Variants in LNX1 observed in about 807,000 individuals in gnomAD.
The protein encoded by LNX1 is E3 ubiquitin-protein ligase LNX.
LNX1 carries 54 observed loss-of-function variants against 68.4 expected under a neutral mutation model. The observed-to-expected ratio is 0.79, with a 90% CI of 0.63 to 0.99. LNX1 has a LOEUF of 0.99. LNX1 is among the 50% of genes least tolerant of loss of function. The pLI, the probability that LNX1 is intolerant of heterozygous loss-of-function variation, is 0.00. For missense variants in LNX1, 906 were observed against 926.4 expected (o/e 0.98, Z 0.29); for synonymous variants, 336 against 350.0 (o/e 0.96, Z 0.45).
intron 6 of LNX1, among the ~76,000 whole-genome samples, chr4:53,487,035 G>C (rs2109437197): frequency 6.6e-6 from 1 of 152,328 alleles, no homozygotes; most frequent in Middle Eastern, 3.4e-3. Flanking sequence ...CTTCCTTTGT[G>C]TTCAGCCTGC....
chr4:53,479,073 A>C (rs1248947228), intron 7 of LNX1, among the ~76,000 whole-genome samples: 1 of 152,224 alleles, frequency 6.6e-6, no homozygotes, highest in Non-Finnish European at 1.5e-5. Context: ...TATTTCTAAA[A>C]TATTTTCATA....
chr4:53,601,135 A>G (rs1732997445), intron 2 of LNX1, among the ~76,000 whole-genome samples: 1 of 151,630 alleles, frequency 6.6e-6, no homozygotes, highest in South Asian at 2.1e-4. Context: ...ATCTGAGAAG[A>G]GGCTTGCATT....
At chr4:53,509,319 T>A (rs6824775) in intron 2 of LNX1, among the ~76,000 whole-genome samples, 1 of 152,276 alleles carries the variant, frequency 6.6e-6, no homozygotes, top group South Asian at 2.1e-4. Flanking sequence ...AAACCCTATA[T>A]GATTGAGCTA....
At chr4:53,539,686 C>T (rs1424971481) in intron 2 of LNX1, among the ~76,000 whole-genome samples, 2 of 152,194 alleles carry the variant, frequency 1.3e-5, no homozygotes, top group African/African-American at 4.8e-5. Flanking sequence ...TGTTTAATGC[C>T]TGCTCTGATC....
chr4:53,570,227 C>T (rs528804621), intron 2 of LNX1, among the ~76,000 whole-genome samples: 7 of 145,726 alleles, frequency 4.8e-5, no homozygotes, highest in East Asian at 2.0e-4. Flanking sequence ...ATGTTTATTG[C>T]GGCATTATTC....
At chr4:53,507,219 G>T in intron 4 of LNX1, 98 bp downstream of exon 4, 1 of 1,268,450 alleles carries the variant, frequency 7.9e-7, no homozygotes, top group Non-Finnish European at 1.1e-6. Context: ...GGGAAGAGAG[G>T]GGTCACAGAA....
chr4:53,469,433 A>G (rs1265703580), intron 9 of LNX1, among the ~76,000 whole-genome samples: 1 of 152,234 alleles, frequency 6.6e-6, no homozygotes, highest in Non-Finnish European at 1.5e-5. Context: ...TAAAAGAACT[A>G]GAGAAGCAAG....
At chr4:53,556,479 C>T (rs1477804777) in intron 2 of LNX1, among the ~76,000 whole-genome samples, 1 of 152,114 alleles carries the variant, frequency 6.6e-6, no homozygotes, top group Non-Finnish European at 1.5e-5. Flanking sequence ...AAGGATAGCG[C>T]ATGGGAATGG....
intron 1 of LNX1, chr4:53,575,863 T>C: frequency 6.3e-7 from 1 of 1,589,216 alleles, no homozygotes; most frequent in Non-Finnish European, 8.6e-7. Context: ...GTTTAGAAAG[T>C]TGCTGAAGTT....
intron 2 of LNX1, among the ~76,000 whole-genome samples, chr4:53,599,722 G>A (rs1431227521): frequency 2.0e-5 from 3 of 152,136 alleles, no homozygotes; most frequent in African/African-American, 7.2e-5. Context: ...TATCCATGAA[G>A]GGCCAGGCAG....
chr4:53,638,115 C>A (rs1224173747), intron 1 of LNX1, among the ~76,000 whole-genome samples: 4 of 152,152 alleles, frequency 2.6e-5, no homozygotes, highest in African/African-American at 9.7e-5. Flanking sequence ...TGCATTAATA[C>A]AATATAGGTA....
intron 2 of LNX1, among the ~76,000 whole-genome samples, chr4:53,600,567 A>G (rs1732955083): frequency 6.6e-6 from 1 of 152,148 alleles, no homozygotes; most frequent in Non-Finnish European, 1.5e-5. Flanking sequence ...CACTATTACC[A>G]GAGAGAAGGA....
At chr4:53,642,108 GCT>G (rs1734708294) in intron 1 of LNX1, among the ~76,000 whole-genome samples, 1 of 151,470 alleles carries the variant, frequency 6.6e-6, no homozygotes, top group South Asian at 2.1e-4. Flanking sequence ...TGTGATCCCA[GCT>G]ACTTGGGAGG....
At chr4:53,604,315 A>G (rs1399286937) in intron 2 of LNX1, among the ~76,000 whole-genome samples, 2 of 152,258 alleles carry the variant, frequency 1.3e-5, no homozygotes, top group African/African-American at 4.8e-5. Flanking sequence ...TGTTTGAGTT[A>G]AAAATGAACT....
chr4:53,618,476 A>C (rs1163225811), upstream of LNX1, among the ~76,000 whole-genome samples: 2 of 152,214 alleles, frequency 1.3e-5, no homozygotes, highest in Non-Finnish European at 2.9e-5. Flanking sequence ...CAAAAACTGG[A>C]AATATCCATT....
At chr4:53,501,299 T>TGGGGGGGGGGG (rs1553932749) in intron 4 of LNX1, among the ~76,000 whole-genome samples, 1 of 38,780 alleles carries the variant, frequency 2.6e-5, no homozygotes, top group Non-Finnish European at 7.0e-5. Context: ...TTTTTTTTTT[T>TGGGGGGGGGGG]GGGGGTGGGG....
At chr4:53,608,182 C>A (rs1259259940) in intron 2 of LNX1, among the ~76,000 whole-genome samples, 1 of 152,080 alleles carries the variant, frequency 6.6e-6, no homozygotes, top group Non-Finnish European at 1.5e-5. Flanking sequence ...AAACAGACAG[C>A]CTACAGTATG....
rs3067036 is a variant in LNX1, at chr4:53,554,851, C to CAAAA, written c.380+18768_380+18771dup. On this transcript the variant is annotated intron_variant, in intron 2 of 10. Coordinates refer to ENST00000263925, the MANE Select transcript of LNX1 (RefSeq NM_001126328.3). ...TAGGCAACAGAGCGAGACTCTGTCT[C>CAAAA]AAAAAAAAAAAAAAAATCCTGCCTT... is the stretch of plus-strand genomic sequence containing the variant. 8.7e-3 allele frequency among the ~76,000 whole-genome samples: 1,051 copies of CAAAA among 121,324 alleles called. 8 individuals carry two copies. The highest frequency in any genetic ancestry group is 0.02 in the African/African-American group (685 of 34,294). The allele number at this position is 121,324 out of a possible 152,430, so 79.6% of individuals were successfully genotyped here. A position where few individuals can be genotyped will look rare whatever the true frequency, so the allele number is the denominator to read the frequency against.
intron 4 of LNX1, among the ~76,000 whole-genome samples, chr4:53,504,351 A>G (rs1337438003): frequency 2.6e-5 from 4 of 152,246 alleles, no homozygotes; most frequent in South Asian, 2.1e-4. Context: ...AATCTCTGCT[A>G]GCTTCCAACT....
Sources: allele counts gnomAD v4.1 joint callset (sites outside exome capture counted in the v4.1 genomes callset), GRCh38; gene constraint gnomAD v4.1.1; transcripts MANE v1.5; gene names NCBI Gene and HGNC (gene_info 2026-07-23, HGNC 2026-07-21).